Variants in ELAVL2 observed in about 807,000 individuals in gnomAD.
ELAVL2 encodes the protein ELAV like RNA binding protein 2.
A neutral mutation model predicts 34.6 loss-of-function variants in ELAVL2; 4 were observed. That is an observed-to-expected ratio of 0.12 (90% CI 0.06 to 0.26). The LOEUF (loss-of-function observed/expected upper bound fraction) is 0.26, where lower values mean the gene tolerates loss of function less well. ELAVL2 is among the 10% of genes least tolerant of loss of function. ELAVL2 has a pLI of 1.00. For synonymous variants in ELAVL2, 193 were observed against 154.8 expected (o/e 1.25, Z -1.83); for missense variants, 432 against 442.8 (o/e 0.98, Z 0.22).
At chr9:23,789,599 C>A (rs2060101305) in intron 1 of ELAVL2, among the ~76,000 whole-genome samples, 1 of 152,188 alleles carries the variant, frequency 6.6e-6, no homozygotes, top group Non-Finnish European at 1.5e-5. Context: ...TTCATTTTCA[C>A]AAACCTTATT....
the ELAVL2 span, among the ~76,000 whole-genome samples, chr9:23,848,274 T>G: frequency 6.6e-6 from 1 of 152,282 alleles, no homozygotes; most frequent in South Asian, 2.1e-4. Context: ...TCTATGGATA[T>G]TAGTGGGTAG....
chr9:23,715,983 T>A (rs10966039), intron 3 of ELAVL2, among the ~76,000 whole-genome samples: 1 of 151,942 alleles, frequency 6.6e-6, no homozygotes, highest in Non-Finnish European at 1.5e-5. Flanking sequence ...GAGAAGTACA[T>A]GAAAAGGAGA....
chr9:23,845,714 G>T, the ELAVL2 span, among the ~76,000 whole-genome samples: 2 of 151,560 alleles, frequency 1.3e-5, no homozygotes, highest in Non-Finnish European at 3.0e-5. Flanking sequence ...CAAAATGGAT[G>T]TATCAATTTT....
chr9:23,780,080 G>C (rs559410253), intron 1 of ELAVL2, among the ~76,000 whole-genome samples: 1 of 140,370 alleles, frequency 7.1e-6, no homozygotes. Flanking sequence ...GTAAAGTATG[G>C]GTTCCTAAAT....
intron 4 of ELAVL2, among the ~76,000 whole-genome samples, chr9:23,702,475 G>A (rs1353753792): frequency 6.6e-6 from 1 of 151,874 alleles, no homozygotes; most frequent in African/African-American, 2.4e-5. Flanking sequence ...TTTAATTAGC[G>A]TGAACAGGCT....
chr9:23,781,992 A>T (rs148169366), intron 1 of ELAVL2, among the ~76,000 whole-genome samples: 4,493 of 151,814 alleles, frequency 0.03, 89 homozygotes, highest in East Asian at 0.075. Context: ...CTAATTTTTT[A>T]AAATCTTTTG....
intron 1 of ELAVL2, among the ~76,000 whole-genome samples, chr9:23,803,626 T>C (rs1167907568): frequency 6.6e-6 from 1 of 152,182 alleles, no homozygotes; most frequent in Admixed American, 6.5e-5. Flanking sequence ...ATAAGAGAAA[T>C]GTTCCTGTAT....
chr9:23,737,334 T>C (rs942028298), intron 2 of ELAVL2, among the ~76,000 whole-genome samples: 1 of 152,202 alleles, frequency 6.6e-6, no homozygotes, highest in Non-Finnish European at 1.5e-5. Flanking sequence ...ACAGAACTTG[T>C]GGAGACAAGA....
At chr9:23,694,878 G>C (rs1056782331) in intron 5 of ELAVL2, among the ~76,000 whole-genome samples, 1 of 152,136 alleles carries the variant, frequency 6.6e-6, no homozygotes, top group African/African-American at 2.4e-5. Context: ...TGGTGCGTGT[G>C]TGTGTGTGCG....
intron 1 of ELAVL2, among the ~76,000 whole-genome samples, chr9:23,790,557 C>T (rs545064301): frequency 2.1e-4 from 32 of 152,142 alleles, no homozygotes; most frequent in African/African-American, 6.7e-4. Context: ...TAAAGCTCAA[C>T]GTAAAGAAAG....
chr9:23,719,668 T>C (rs1044339807), intron 3 of ELAVL2, among the ~76,000 whole-genome samples: 2 of 152,136 alleles, frequency 1.3e-5, no homozygotes, highest in Admixed American at 1.3e-4. Flanking sequence ...AATTATAGCA[T>C]AAAATGTGTG....
At chr9:23,737,274 T>C (rs1239216895) in intron 2 of ELAVL2, among the ~76,000 whole-genome samples, 3 of 152,190 alleles carry the variant, frequency 2.0e-5, no homozygotes, top group Admixed American at 6.5e-5. Context: ...TAGGAGATAG[T>C]TGCCCTTATA....
chr9:23,814,857 T>G (rs1199139001), intron 1 of ELAVL2, among the ~76,000 whole-genome samples: 1 of 152,192 alleles, frequency 6.6e-6, no homozygotes, highest in Non-Finnish European at 1.5e-5. Flanking sequence ...GATCAAGTGC[T>G]CCAGAAATAT....
At chr9:23,741,210 G>C (rs2049081212) in intron 2 of ELAVL2, among the ~76,000 whole-genome samples, 1 of 152,142 alleles carries the variant, frequency 6.6e-6, no homozygotes, top group South Asian at 2.1e-4. Flanking sequence ...AATTTGTAAA[G>C]AAGTATAAAA....
At chr9:23,774,148 T>C (rs1043254868) in intron 1 of ELAVL2, among the ~76,000 whole-genome samples, 1 of 141,400 alleles carries the variant, frequency 7.1e-6, no homozygotes, top group African/African-American at 2.7e-5. Flanking sequence ...GAGGCAGAGC[T>C]TGCAGTGAGT....
chr9:23,838,094 G>A, the ELAVL2 span, among the ~76,000 whole-genome samples: 1 of 152,122 alleles, frequency 6.6e-6, no homozygotes, highest in South Asian at 2.1e-4. Context: ...TTAATGAAAT[G>A]TGAAGATATT....
At chr9:23,723,088 C>T (rs2044154038) in intron 3 of ELAVL2, among the ~76,000 whole-genome samples, 1 of 152,180 alleles carries the variant, frequency 6.6e-6, no homozygotes, top group South Asian at 2.1e-4. Context: ...TTGTTTTCTT[C>T]TTGTAAATTT....
chr9:23,762,174 T>C lies in ELAVL2; in HGVS notation c.61A>G (p.Ile21Val), dbSNP rs1326052903. ...CNNTANGPTT[I>V]NNNCSSPVDS... is the part of the protein sequence containing the mutation. Reference sequence around the variant, plus strand: ...ACTGGTGACGAACAGTTGTTGTTTATGGTGGTTGGACCATTGGCTGTGTTA... The same window carrying C: ...ACTGGTGACGAACAGTTGTTGTTTACGGTGGTTGGACCATTGGCTGTGTTA... The change falls in exon 2 of 7, where the codon ATA becomes GTA. Residue 21 changes from isoleucine to valine, a missense_variant. This residue lies in a region of ELAVL2 where 132 missense variants were observed against 118.3 expected (regional missense o/e 1.12). Transcript: ENST00000397312. 2.5e-6 allele frequency: 4 copies of C among 1,613,698 alleles called. No homozygotes were observed. The highest frequency in any genetic ancestry group is 3.4e-6 in the Non-Finnish European group (4 of 1,179,680).
At chr9:23,794,033 C>G (rs1340435436) in intron 1 of ELAVL2, among the ~76,000 whole-genome samples, 2 of 152,152 alleles carry the variant, frequency 1.3e-5, no homozygotes, top group East Asian at 1.9e-4. Context: ...GAAACCCAAC[C>G]AGAATGGAGA....
Sources: gnomAD v4.1 joint callset for allele counts (sites outside exome capture counted in the v4.1 genomes callset) on GRCh38, gnomAD v4.1.1 for gene constraint, gnomAD v4.1.1 regional missense constraint, MANE v1.5 for transcripts, NCBI Gene and HGNC (gene_info 2026-07-23, HGNC 2026-07-21) for gene names.